Variants in NLGN1 observed in about 807,000 individuals in gnomAD.
The protein encoded by NLGN1 is neuroligin-1.
A neutral mutation model predicts 65.5 loss-of-function variants in NLGN1; 12 were observed. The observed-to-expected ratio is 0.18, with a 90% CI of 0.12 to 0.30. NLGN1 has a LOEUF of 0.30. NLGN1 is among the 10% of genes least tolerant of loss of function. The pLI is 1.00. For missense variants in NLGN1, 750 were observed against 1,007.1 expected (o/e 0.74, Z 3.46); for synonymous variants, 350 against 359.5 (o/e 0.97, Z 0.30).
At chr3:173,846,795 G>A (rs1398665061) in intron 4 of NLGN1, among the ~76,000 whole-genome samples, 4 of 152,172 alleles carry the variant, frequency 2.6e-5, no homozygotes, top group African/African-American at 9.7e-5. Flanking sequence ...CTGCTTCTCT[G>A]CCTTCCCTGT....
intron 4 of NLGN1, among the ~76,000 whole-genome samples, chr3:174,106,653 G>C (rs1713881229): frequency 6.6e-6 from 1 of 151,974 alleles, no homozygotes; most frequent in African/African-American, 2.4e-5. Flanking sequence ...GATATATAGA[G>C]AGATATATAG....
chr3:173,596,600 A>G (rs1033675282), intron 2 of NLGN1, among the ~76,000 whole-genome samples: 1 of 152,052 alleles, frequency 6.6e-6, no homozygotes, highest in African/African-American at 2.4e-5. Flanking sequence ...TAGCCCCAGT[A>G]CTTACTCATT....
intron 3 of NLGN1, among the ~76,000 whole-genome samples, chr3:173,766,613 A>G (rs2150237439): frequency 6.6e-6 from 1 of 152,186 alleles, no homozygotes; most frequent in East Asian, 1.9e-4. Context: ...TCTCTATTTT[A>G]TAAGATTGGA....
chr3:174,233,181 C>T (rs923894658), intron 4 of NLGN1, among the ~76,000 whole-genome samples: 1 of 151,920 alleles, frequency 6.6e-6, no homozygotes, highest in Non-Finnish European at 1.5e-5. Context: ...TGTATGTGCT[C>T]CAGTAAAAAA....
intron 3 of NLGN1, among the ~76,000 whole-genome samples, chr3:173,740,003 A>G (rs569184061): frequency 7.9e-5 from 12 of 152,152 alleles, no homozygotes; most frequent in African/African-American, 2.6e-4. Context: ...CTGTTTTCCC[A>G]TTTTCCCTAA....
chr3:173,832,306 A>G (rs1057111635), intron 4 of NLGN1, among the ~76,000 whole-genome samples: 1 of 152,184 alleles, frequency 6.6e-6, no homozygotes, highest in African/African-American at 2.4e-5. Flanking sequence ...CTGACCAATG[A>G]ATCACAAAAT....
chr3:173,832,748 T>A (rs1722862509), intron 4 of NLGN1, among the ~76,000 whole-genome samples: 1 of 152,216 alleles, frequency 6.6e-6, no homozygotes, highest in Non-Finnish European at 1.5e-5. Context: ...ATGTACATGA[T>A]TAAATAAATA....
rs115808036 is a variant in NLGN1, at chr3:174,013,239, T to A, written c.646+205407T>A. Among the ~76,000 whole-genome samples the A allele has an allele frequency of 6.0e-3, 910 of 152,240 alleles. 15 individuals are homozygous for A. The highest frequency in any genetic ancestry group is 0.021 in the African/African-American group (863 of 41,532). On this transcript the variant is annotated intron_variant, in intron 4 of 6. Coordinates refer to ENST00000457714, the Ensembl canonical transcript of NLGN1. Reference sequence around the variant, plus strand: ...AATAGATATGTGGGATTCTGAGTGTTCTTGAAAAAGTCCTTATTCCGGCAG... The same window carrying A: ...AATAGATATGTGGGATTCTGAGTGTACTTGAAAAAGTCCTTATTCCGGCAG...
Position 174,280,531 on chromosome 3 carries a change from C to T in NLGN1, c.1700C>T (p.Pro567Leu). 4 of 1,612,756 alleles carry T rather than the reference C, an allele frequency of 2.5e-6. No homozygotes were observed. Among genetic ancestry groups the T allele is most frequent in the Non-Finnish European group, 3.4e-6 (4 of 1,179,306 alleles). The change falls in exon 7 of 7, where the codon CCC becomes CTC. Residue 567 changes from proline to leucine, a missense_variant. Transcript: ENST00000457714. This position sits in a 1 kb window ranked among gnomAD's most constrained non-coding sequence, Gnocchi z 4.9. The stretch of plus-strand genomic sequence containing the variant: ...GACACGAAATTCATTCATACCAAAC[C>T]CAACCGTTTTGAAGAAGTAGCATGG...
At chr3:174,236,282 T>A (rs1041999347) in intron 4 of NLGN1, among the ~76,000 whole-genome samples, 1 of 152,138 alleles carries the variant, frequency 6.6e-6, no homozygotes, top group African/African-American at 2.4e-5. Flanking sequence ...ATTCAAATGA[T>A]GAAATCCAAA....
intron 5 of NLGN1, among the ~76,000 whole-genome samples, chr3:174,278,230 G>A (rs1218677824): frequency 6.6e-6 from 1 of 151,902 alleles, no homozygotes; most frequent in South Asian, 2.1e-4. Flanking sequence ...GTCTTCTTCT[G>A]AAAGATGAAT....
intron 3 of NLGN1, among the ~76,000 whole-genome samples, chr3:173,788,631 T>C (rs991797673): frequency 2.0e-5 from 3 of 150,884 alleles, no homozygotes; most frequent in African/African-American, 7.3e-5. Flanking sequence ...TAACAGCAGG[T>C]AGAGTGGTGG....
chr3:173,564,248 TC>T (rs750847983), intron 2 of NLGN1, among the ~76,000 whole-genome samples: 2 of 152,228 alleles, frequency 1.3e-5, no homozygotes, highest in Non-Finnish European at 2.9e-5. Context: ...GTTAAATGCT[TC>T]CGTATTTTCC....
intron 4 of NLGN1, among the ~76,000 whole-genome samples, chr3:174,112,332 C>T (rs975182635): frequency 1.3e-5 from 2 of 151,690 alleles, no homozygotes; most frequent in Non-Finnish European, 3.0e-5. Context: ...ATTACCATAC[C>T]TGTAAATATT....
chr3:173,869,509 T>G (rs1730781638), intron 4 of NLGN1, among the ~76,000 whole-genome samples: 1 of 152,294 alleles, frequency 6.6e-6, no homozygotes, highest in Admixed American at 6.5e-5. Flanking sequence ...TAAGAAAAAC[T>G]GAAGATCTCT....
At chr3:173,636,690 G>A (rs552354510) in intron 3 of NLGN1, among the ~76,000 whole-genome samples, 1 of 152,164 alleles carries the variant, frequency 6.6e-6, no homozygotes, top group Non-Finnish European at 1.5e-5. Context: ...GACTACCTGG[G>A]AAATAGTTGT....
At chr3:174,138,836 C>G (rs1020862483) in intron 4 of NLGN1, among the ~76,000 whole-genome samples, 1 of 151,958 alleles carries the variant, frequency 6.6e-6, no homozygotes, top group Non-Finnish European at 1.5e-5. Flanking sequence ...TTTATTTCCT[C>G]ATTTTTGGCT....
chr3:173,979,333 G>A (rs1718254641), intron 4 of NLGN1, among the ~76,000 whole-genome samples: 1 of 152,016 alleles, frequency 6.6e-6, no homozygotes, highest in East Asian at 1.9e-4. Context: ...AGGATGATAG[G>A]AATAATCCAA....
chr3:174,076,812 C>T (rs1741108641), intron 4 of NLGN1, among the ~76,000 whole-genome samples: 1 of 151,162 alleles, frequency 6.6e-6, no homozygotes, highest in African/African-American at 2.4e-5. Flanking sequence ...AAACCATCAA[C>T]ACTTGTCAAG....
Sources: gnomAD v4.1 joint callset for allele counts (sites outside exome capture counted in the v4.1 genomes callset) on GRCh38, gnomAD v4.1.1 for gene constraint, Gnocchi (gnomAD v3.1) non-coding constraint, MANE v1.5 for transcripts, NCBI Gene and HGNC (gene_info 2026-07-23, HGNC 2026-07-21) for gene names.